The following CCDC25 variants were observed in gnomAD, a reference collection of about 807,000 sequenced individuals.
The protein encoded by CCDC25 is coiled-coil domain-containing protein 25.
Under a neutral mutation model 35.3 loss-of-function variants are expected in CCDC25, and 16 were observed. The ratio of observed to expected loss-of-function variants is 0.45; its 90% CI spans 0.31 to 0.69. CCDC25 has a LOEUF of 0.69. CCDC25 is among the 30% of genes least tolerant of loss of function. The pLI, the probability that CCDC25 is intolerant of heterozygous loss-of-function variation, is 0.06. For missense variants in CCDC25, 179 were observed against 250.7 expected (o/e 0.71, Z 1.93); for synonymous variants, 79 against 80.3 (o/e 0.98, Z 0.09).
At chr8:27,763,447 G>C (rs1337751271) in intron 2 of CCDC25, among the ~76,000 whole-genome samples, 3 of 152,234 alleles carry the variant, frequency 2.0e-5, no homozygotes, top group Admixed American at 2.0e-4. Flanking sequence ...ACTGGGCACA[G>C]TGGCTTACGC....
intron 7 of CCDC25, among the ~76,000 whole-genome samples, chr8:27,745,139 G>A (rs1803562739): frequency 6.6e-6 from 1 of 152,140 alleles, no homozygotes; most frequent in Admixed American, 6.5e-5. Flanking sequence ...GCGACTATAG[G>A]CTTGTACCAC....
chr8:27,746,110 C>T (rs1462876330), intron 7 of CCDC25, among the ~76,000 whole-genome samples: 1 of 152,128 alleles, frequency 6.6e-6, no homozygotes, highest in East Asian at 1.9e-4. Context: ...TAGTAGCATG[C>T]AGCTTAATTT....
intron 3 of CCDC25, among the ~76,000 whole-genome samples, chr8:27,761,986 T>C (rs1352570247): frequency 6.6e-6 from 1 of 152,162 alleles, no homozygotes; most frequent in African/African-American, 2.4e-5. Context: ...ATCAGGGAGT[T>C]TAGAAGACAA....
chr8:27,762,733 GACAAA>G (rs1174180482), intron 2 of CCDC25, among the ~76,000 whole-genome samples: 1 of 151,934 alleles, frequency 6.6e-6, no homozygotes, highest in African/African-American at 2.4e-5. Context: ...AACTAACACT[GACAAA>G]ACAAAGCAAC....
rs953579316 is a variant in CCDC25, at chr8:27,734,422, C to T, written c.*1794G>A. The T allele has an allele frequency of 1.3e-5, 2 of 152,146 alleles. No homozygotes were observed. The highest frequency in any genetic ancestry group is 2.4e-5 in the African/African-American group (1 of 41,432). 9.4% of individuals were successfully genotyped at this position (152,146 alleles called of 1,614,324 possible). ...ATTCTCCTATCCAACGTTTAGGAAA[C>T]AATCCAATGGCAAGAAATGAGAGGA... On this transcript the variant is annotated 3_prime_UTR_variant, in exon 9 of 9. Transcript: ENST00000356537.
In CCDC25 at chr8:27,735,799, C is replaced by T. The variant is rs193049795; in HGVS notation, c.*417G>A. ...GGGAAACATTCGCATAATTACCCAC[C>T]AACATGTTCTTCTTAACAGAAGTGA... On this transcript the variant is annotated 3_prime_UTR_variant, in exon 9 of 9. Transcript: ENST00000356537. 5.1e-4 allele frequency: 79 copies of T among 156,050 alleles called. No homozygotes were observed. The highest frequency in any genetic ancestry group is 7.2e-4 in the Non-Finnish European group (51 of 70,774). The allele number at this position is 156,050 out of a possible 1,614,324, so 9.7% of individuals were successfully genotyped here.
intron 5 of CCDC25, among the ~76,000 whole-genome samples, chr8:27,749,535 C>A (rs192412698): frequency 6.6e-6 from 1 of 152,288 alleles, no homozygotes. Context: ...CAGACAAACC[C>A]CAACTGTGGG....
At chr8:27,765,353 C>T in intron 1 of CCDC25, 102 bp from the exon 2 acceptor site, 1 of 936,650 alleles carries the variant, frequency 1.1e-6, no homozygotes, top group Non-Finnish European at 1.5e-6. Context: ...GGCTGGCAAA[C>T]CATGGCCCAT....
chr8:27,753,653 G>A (rs749471165), intron 4 of CCDC25, among the ~76,000 whole-genome samples: 10 of 152,202 alleles, frequency 6.6e-5, no homozygotes, highest in Non-Finnish European at 1.2e-4. Flanking sequence ...ACTACCACCA[G>A]TATTTTCCAT....
At chr8:27,756,553 T>C in intron 4 of CCDC25, 166 bp downstream of exon 4, 3 of 594,638 alleles carry the variant, frequency 5.0e-6, no homozygotes, top group South Asian at 2.1e-5. Flanking sequence ...TCATCTAGAA[T>C]GTTAGAGTGA....
intron 2 of CCDC25, 65 bp downstream of exon 2, chr8:27,765,139 G>C: frequency 7.1e-7 from 1 of 1,406,900 alleles, no homozygotes; most frequent in South Asian, 1.3e-5. Context: ...GGCATGGAAG[G>C]TGGTGAGTGA....
intron 1 of CCDC25, among the ~76,000 whole-genome samples, chr8:27,771,175 C>T (rs1259206948): frequency 6.6e-6 from 1 of 152,158 alleles, no homozygotes; most frequent in Admixed American, 6.5e-5. Flanking sequence ...ACACAAACAC[C>T]ATTGCGTTAC....
chr8:27,753,519 T>C (rs1394175480), intron 4 of CCDC25, among the ~76,000 whole-genome samples: 2 of 152,164 alleles, frequency 1.3e-5, no homozygotes, highest in Non-Finnish European at 2.9e-5. Context: ...AAGACCAGCA[T>C]GGGCAACACA....
In CCDC25 at chr8:27,735,684, T is replaced by A. The variant is rs143309163; in HGVS notation, c.*532A>T. The A allele has an allele frequency of 1.3e-5, 2 of 153,638 alleles. No individual in the cohort carries two copies. Among genetic ancestry groups the A allele is most frequent in the African/African-American group, 2.4e-5 (1 of 41,456 alleles). 9.5% of individuals were successfully genotyped at this position (153,638 alleles called of 1,614,324 possible). On this transcript the variant is annotated 3_prime_UTR_variant, in exon 9 of 9. Transcript: ENST00000356537. The stretch of plus-strand genomic sequence containing the variant: ...GGGTCACTACACTAACAGACCCAGA[T>A]GACACGATGGAACATGAATACTGAA...
chr8:27,756,823 C>A, intron 3 of CCDC25, 53 bp from the exon 4 acceptor site: 1 of 1,219,774 alleles, frequency 8.2e-7, no homozygotes, highest in South Asian at 1.2e-5. Context: ...ATCATCTCCT[C>A]AGGCCACATG....
chr8:27,768,642 C>T (rs1804486210), intron 1 of CCDC25, among the ~76,000 whole-genome samples: 1 of 151,842 alleles, frequency 6.6e-6, no homozygotes, highest in South Asian at 2.1e-4. Flanking sequence ...AATTAAGTTC[C>T]TTTCCATGTT....
At position 27,736,036 on chromosome 8, in the gene CCDC25, A is replaced by G; in HGVS notation, c.*180T>C. On this transcript the variant is annotated 3_prime_UTR_variant, in exon 9 of 9. Transcript: ENST00000356537. ...AGTTCAACTATTTTATACATATCTG[A>G]TCCTTTTCTGTCAGCAAAAAAGGTA... The G allele has an allele frequency of 3.5e-6, 2 of 578,490 alleles. No homozygotes were observed. The highest frequency in any genetic ancestry group is 6.1e-6 in the Non-Finnish European group (2 of 329,412). The allele number at this position is 578,490 out of a possible 1,614,324, so 35.8% of individuals were successfully genotyped here. A position where few individuals can be genotyped will look rare whatever the true frequency, so the allele number is the denominator to read the frequency against.
In CCDC25 at chr8:27,740,403, A is replaced by G. The variant is rs544046517; in HGVS notation, c.597+69T>C. On this transcript the variant is annotated intron_variant, in intron 8 of 8. Transcript: ENST00000356537. Reference sequence around the variant, plus strand: ...AACATGTAAGGCAATAATGGCCAGTAACACAATTATTAAAAACCCTTAGTG... The same window carrying G: ...AACATGTAAGGCAATAATGGCCAGTGACACAATTATTAAAAACCCTTAGTG... 3.4e-6 allele frequency: 5 copies of G among 1,463,688 alleles called. No homozygotes were observed. The East Asian group carries it at 1.2e-4, about 34-fold the overall frequency. 90.7% of individuals were successfully genotyped at this position (1,463,688 alleles called of 1,614,324 possible).
At chr8:27,736,451 C>G (rs982988839) in intron 8 of CCDC25, among the ~76,000 whole-genome samples, 3 of 152,188 alleles carry the variant, frequency 2.0e-5, no homozygotes, top group Admixed American at 1.3e-4. Context: ...TGTGAGGTGT[C>G]ATTACATGGC....
Sources: allele counts gnomAD v4.1 joint callset (sites outside exome capture counted in the v4.1 genomes callset), GRCh38; gene constraint gnomAD v4.1.1; transcripts MANE v1.5; gene names NCBI Gene and HGNC (gene_info 2026-07-23, HGNC 2026-07-21).